The following DPH6 variants were observed in gnomAD, a reference collection of about 807,000 sequenced individuals.
DPH6 encodes the protein diphthamine biosynthesis 6, also known as diphthine--ammonia ligase.
In DPH6, 33 loss-of-function variants were observed where a neutral mutation model predicts 38.2. That is an observed-to-expected ratio of 0.86 (90% CI 0.65 to 1.15). The LOEUF (loss-of-function observed/expected upper bound fraction) is 1.15. DPH6 is among the 50% of genes most tolerant of loss of function. DPH6 has a pLI of 0.00. For synonymous variants in DPH6, 108 were observed against 103.0 expected (o/e 1.05, Z -0.30); for missense variants, 325 against 320.0 (o/e 1.02, Z -0.12).
chr15:35,354,061 T>C (rs1427373935), intron 3 of DPH6, among the ~76,000 whole-genome samples: 2 of 152,212 alleles, frequency 1.3e-5, no homozygotes, highest in Non-Finnish European at 2.9e-5. Context: ...GGGAGTTCAC[T>C]CATGATTTGG....
At chr15:35,502,171 T>C (rs1476517722) in intron 3 of DPH6, among the ~76,000 whole-genome samples, 4 of 152,108 alleles carry the variant, frequency 2.6e-5, no homozygotes, top group Non-Finnish European at 5.9e-5. Flanking sequence ...ATGTGGCCAT[T>C]ATTACATCGG....
chr15:35,315,330 C>T lies in DPH6; in HGVS notation n.200+58191G>A, dbSNP rs555963780. ...TCCAAGAGTTTGTTGAATCCTAAAGCACAAACTTTTACACCATAGGAATAA... is the reference window on the plus strand; with the variant it reads ...TCCAAGAGTTTGTTGAATCCTAAAGTACAAACTTTTACACCATAGGAATAA... On this transcript the variant is annotated intron_variant and non_coding_transcript_variant, in intron 3 of 3. Coordinates refer to the DPH6 transcript ENST00000560386. 5.9e-5 allele frequency among the ~76,000 whole-genome samples: 9 copies of T among 152,312 alleles called. No homozygotes were observed. The South Asian group carries it at 1.0e-3, about 18-fold the overall frequency.
At chr15:35,299,545 C>T in intron 3 of DPH6, 1 of 542,296 alleles carries the variant, frequency 1.8e-6, no homozygotes, top group Non-Finnish European at 3.3e-6. Context: ...CACCACCCTC[C>T]GCTGAGTCCG....
intron 3 of DPH6, among the ~76,000 whole-genome samples, chr15:35,274,354 T>A (rs2051843285): frequency 6.6e-6 from 1 of 150,924 alleles, no homozygotes; most frequent in Admixed American, 6.6e-5. Context: ...AAAGACTTCA[T>A]AACTAAAAAG....
At chr15:35,345,018 G>A (rs1401451730) in intron 3 of DPH6, among the ~76,000 whole-genome samples, 1 of 151,640 alleles carries the variant, frequency 6.6e-6, no homozygotes, top group Non-Finnish European at 1.5e-5. Context: ...TTAAAATACA[G>A]AATACAATTA....
chr15:35,303,112 G>A (rs1024616481), intron 3 of DPH6, among the ~76,000 whole-genome samples: 13 of 151,988 alleles, frequency 8.6e-5, no homozygotes, highest in Non-Finnish European at 1.8e-4. Context: ...CTCTTACACA[G>A]CAGTTAGAAA....
At chr15:35,274,353 A>C (rs920525060) in intron 3 of DPH6, among the ~76,000 whole-genome samples, 1 of 151,784 alleles carries the variant, frequency 6.6e-6, no homozygotes. Flanking sequence ...CAAAGACTTC[A>C]TAACTAAAAA....
At chr15:35,491,805 G>A (rs1483060130) in intron 3 of DPH6, among the ~76,000 whole-genome samples, 2 of 149,540 alleles carry the variant, frequency 1.3e-5, no homozygotes, top group African/African-American at 4.9e-5. Context: ...ATATTTATGT[G>A]TGTATAAAGA....
the DPH6 span, among the ~76,000 whole-genome samples, chr15:35,175,932 ACT>A: frequency 6.6e-6 from 1 of 152,054 alleles, no homozygotes; most frequent in Non-Finnish European, 1.5e-5. Context: ...TCTGAGAGAA[ACT>A]CTCTCAGGTC....
At chr15:35,402,662 T>A (rs879121101) in intron 6 of DPH6, among the ~76,000 whole-genome samples, 10 of 152,086 alleles carry the variant, frequency 6.6e-5, no homozygotes, top group Admixed American at 2.0e-4. Context: ...GCTTATAAGA[T>A]TATAATTTAA....
intron 3 of DPH6, among the ~76,000 whole-genome samples, chr15:35,244,887 AT>A (rs1207943348): frequency 1.3e-5 from 2 of 152,194 alleles, no homozygotes; most frequent in African/African-American, 2.4e-5. Context: ...TGATTTTCTT[AT>A]TTGTAAAATG....
the DPH6 span, among the ~76,000 whole-genome samples, chr15:35,154,013 A>T: frequency 6.6e-6 from 1 of 152,284 alleles, no homozygotes; most frequent in Middle Eastern, 3.4e-3. Flanking sequence ...TCTTACCTAG[A>T]TCTCCAGAGA....
At chr15:35,527,439 A>C (rs190068575) in intron 3 of DPH6, among the ~76,000 whole-genome samples, 16 of 152,302 alleles carry the variant, frequency 1.1e-4, no homozygotes, top group Non-Finnish European at 1.8e-4. Context: ...AAATAATGAA[A>C]TATAATCCCT....
At chr15:35,415,832 T>C (rs996526597) in intron 5 of DPH6, among the ~76,000 whole-genome samples, 5 of 152,036 alleles carry the variant, frequency 3.3e-5, no homozygotes, top group African/African-American at 1.2e-4. Context: ...TTCAACCATT[T>C]TCCTGAGACA....
At chr15:35,163,533 C>T in the DPH6 span, among the ~76,000 whole-genome samples, 1 of 151,850 alleles carries the variant, frequency 6.6e-6, no homozygotes, top group Non-Finnish European at 1.5e-5. Flanking sequence ...TAAGCTAATG[C>T]ATATTTGATT....
chr15:35,240,293 G>T (rs2051588595), intron 3 of DPH6, among the ~76,000 whole-genome samples: 1 of 143,134 alleles, frequency 7.0e-6, no homozygotes, highest in Admixed American at 7.6e-5. Flanking sequence ...TGACGTCCAG[G>T]CATTCTTTTA....
At chr15:35,428,199 G>C (rs1474662375) in intron 5 of DPH6, among the ~76,000 whole-genome samples, 2 of 151,952 alleles carry the variant, frequency 1.3e-5, no homozygotes, top group Admixed American at 1.3e-4. Flanking sequence ...ATTTAAATGA[G>C]GGCTGTCTCC....
chr15:35,384,127 G>A (rs1390736010), intron 6 of DPH6, among the ~76,000 whole-genome samples: 1 of 152,114 alleles, frequency 6.6e-6, no homozygotes, highest in Non-Finnish European at 1.5e-5. Flanking sequence ...GTCTGTCTCT[G>A]GCTTCGACTC....
At chr15:35,446,851 T>C (rs910312242) in intron 5 of DPH6, among the ~76,000 whole-genome samples, 1 of 151,646 alleles carries the variant, frequency 6.6e-6, no homozygotes, top group African/African-American at 2.4e-5. Flanking sequence ...TTTATTCCTC[T>C]AGATTACATA....
Sources: gnomAD v4.1 joint callset for allele counts (sites outside exome capture counted in the v4.1 genomes callset) on GRCh38, gnomAD v4.1.1 for gene constraint, MANE v1.5 for transcripts, NCBI Gene and HGNC (gene_info 2026-07-23, HGNC 2026-07-21) for gene names.